The following GAS7 variants were observed in gnomAD, a reference collection of about 807,000 sequenced individuals.
GAS7 encodes growth arrest-specific protein 7.
A neutral mutation model predicts 71.1 loss-of-function variants in GAS7; 28 were observed. That is an observed-to-expected ratio of 0.39 (90% CI 0.29 to 0.54). GAS7 has a LOEUF of 0.54. GAS7 is among the 20% of genes least tolerant of loss of function. The pLI is 0.62. For synonymous variants in GAS7, 258 were observed against 245.8 expected (o/e 1.05, Z -0.46); for missense variants, 436 against 627.8 (o/e 0.69, Z 3.27).
intron 1 of GAS7, among the ~76,000 whole-genome samples, chr17:10,092,164 T>C (rs1228251887): frequency 6.6e-6 from 1 of 152,114 alleles, no homozygotes; most frequent in African/African-American, 2.4e-5. Context: ...ATTCTCTCTC[T>C]CTCTGGAACA....
chr17:9,936,337 TTGTA>T (rs1453028171), intron 8 of GAS7, among the ~76,000 whole-genome samples: 2 of 152,154 alleles, frequency 1.3e-5, no homozygotes, highest in Admixed American at 6.5e-5. Context: ...TGCCCAGACT[TTGTA>T]TGAGCACATG....
intron 5 of GAS7, among the ~76,000 whole-genome samples, chr17:9,954,364 CAATT>C (rs935504207): frequency 1.3e-5 from 2 of 151,880 alleles, no homozygotes; most frequent in Non-Finnish European, 2.9e-5. Context: ...AGGAGAGTAA[CAATT>C]AATCAGGCTG....
intron 1 of GAS7, among the ~76,000 whole-genome samples, chr17:10,121,788 C>T (rs1474767021): frequency 1.3e-5 from 2 of 152,134 alleles, no homozygotes; most frequent in African/African-American, 4.8e-5. Context: ...ACCCCGTCAA[C>T]CTCTCCCTTG....
intron 9 of GAS7, among the ~76,000 whole-genome samples, chr17:9,932,356 A>G (rs771712288): frequency 2.6e-5 from 4 of 152,002 alleles, no homozygotes; most frequent in Admixed American, 6.6e-5. Context: ...CACCAAGCCC[A>G]GCTAATTTTT....
intron 1 of GAS7, among the ~76,000 whole-genome samples, chr17:10,141,931 A>G (rs575246943): frequency 5.3e-5 from 8 of 152,318 alleles, no homozygotes; most frequent in Non-Finnish European, 1.2e-4. Context: ...GGCATATATT[A>G]AAAAGTTACA....
intron 1 of GAS7, among the ~76,000 whole-genome samples, chr17:10,156,798 C>T (rs2074208667): frequency 6.6e-6 from 1 of 152,074 alleles, no homozygotes; most frequent in Non-Finnish European, 1.5e-5. Flanking sequence ...AGGCCTCCCT[C>T]CCTTTTCCCC....
At chr17:10,082,936 T>C (rs760179592) in intron 1 of GAS7, among the ~76,000 whole-genome samples, 3 of 152,110 alleles carry the variant, frequency 2.0e-5, no homozygotes, top group Non-Finnish European at 2.9e-5. Context: ...CAAACAAAAC[T>C]AACCTAGAGG....
chr17:10,078,077 G>GTTT (rs1555531386), intron 1 of GAS7, among the ~76,000 whole-genome samples: 12 of 149,964 alleles, frequency 8.0e-5, no homozygotes, highest in African/African-American at 2.2e-4. Context: ...GTGTGTGTGT[G>GTTT]TGTTTTGTTT....
chr17:9,927,598 G>A (rs927379466), intron 9 of GAS7, among the ~76,000 whole-genome samples: 2 of 151,814 alleles, frequency 1.3e-5, no homozygotes, highest in South Asian at 2.1e-4. Flanking sequence ...CTTATTTTCC[G>A]AACTGAGAGC....
At chr17:10,092,671 T>C (rs1186270799) in intron 1 of GAS7, among the ~76,000 whole-genome samples, 2 of 152,212 alleles carry the variant, frequency 1.3e-5, no homozygotes, top group Non-Finnish European at 2.9e-5. Flanking sequence ...TACAATATTC[T>C]GAGGTCAGAA....
Position 10,002,641 on chromosome 17 carries a change from A to G in GAS7, c.304+17136T>C, listed in dbSNP as rs148990075. 4.9e-3 allele frequency among the ~76,000 whole-genome samples: 740 copies of G among 151,912 alleles called. 4 individuals carry two copies. The highest frequency in any genetic ancestry group is 0.017 in the African/African-American group (705 of 41,396). On this transcript the variant is annotated intron_variant, in intron 2 of 13. Coordinates refer to ENST00000432992, the MANE Select transcript of GAS7 (RefSeq NM_201433.2). Reference sequence around the variant, plus strand: ...TGTTCTCATTGTTCAATTCCCACCTATGAGTGAGAACATGCAGTGTTTGGT... The same window carrying G: ...TGTTCTCATTGTTCAATTCCCACCTGTGAGTGAGAACATGCAGTGTTTGGT...
intron 1 of GAS7, among the ~76,000 whole-genome samples, chr17:10,094,923 C>T (rs1160849652): frequency 6.6e-6 from 1 of 152,186 alleles, no homozygotes; most frequent in Non-Finnish European, 1.5e-5. Flanking sequence ...CACTGCCTTA[C>T]TCTCCCTTCA....
intron 1 of GAS7, among the ~76,000 whole-genome samples, chr17:10,169,529 C>T (rs2074319911): frequency 1.3e-5 from 2 of 152,224 alleles, no homozygotes; most frequent in South Asian, 4.1e-4. Flanking sequence ...GTTTTCCATT[C>T]CTTGAGAGCT....
chr17:10,049,363 C>T (rs998342207), intron 1 of GAS7, among the ~76,000 whole-genome samples: 2 of 152,116 alleles, frequency 1.3e-5, no homozygotes, highest in African/African-American at 2.4e-5. Flanking sequence ...TATCATCCTC[C>T]CTCTAAAAGC....
chr17:10,188,310 G>T (rs999318410), intron 1 of GAS7, among the ~76,000 whole-genome samples: 1 of 152,134 alleles, frequency 6.6e-6, no homozygotes, highest in East Asian at 1.9e-4. Context: ...CCTGCTAAGC[G>T]CAGGTAAACC....
At chr17:10,048,203 G>A (rs2073008051) in intron 1 of GAS7, among the ~76,000 whole-genome samples, 2 of 152,204 alleles carry the variant, frequency 1.3e-5, no homozygotes, top group Non-Finnish European at 2.9e-5. Flanking sequence ...TTGGGAGGCT[G>A]AGGCAGGAGA....
chr17:10,097,503 A>C (rs2073653790), intron 1 of GAS7, among the ~76,000 whole-genome samples: 1 of 152,212 alleles, frequency 6.6e-6, no homozygotes, highest in South Asian at 2.1e-4. Context: ...GACACACTGG[A>C]CACACAAATC....
chr17:9,994,359 C>T (rs2070956842), intron 2 of GAS7, among the ~76,000 whole-genome samples: 1 of 145,714 alleles, frequency 6.9e-6, no homozygotes, highest in Admixed American at 6.8e-5. Flanking sequence ...CAGAACAGAG[C>T]CCTCAGAAAT....
chr17:10,017,692 A>G (rs1169593440), intron 2 of GAS7, among the ~76,000 whole-genome samples: 1 of 152,296 alleles, frequency 6.6e-6, no homozygotes, highest in East Asian at 1.9e-4. Context: ...ATCCATAGAT[A>G]AAGTCTTATT....
Sources: allele counts gnomAD v4.1 joint callset (sites outside exome capture counted in the v4.1 genomes callset), GRCh38; gene constraint gnomAD v4.1.1; transcripts MANE v1.5; gene names NCBI Gene and HGNC (gene_info 2026-07-23, HGNC 2026-07-21).